SHISA9: variants seen among roughly 807,000 people sequenced by gnomAD.
SHISA9 encodes the protein protein shisa-9.
In SHISA9, 13 loss-of-function variants were observed where a neutral mutation model predicts 38.0. The ratio of observed to expected loss-of-function variants is 0.34; its 90% CI spans 0.22 to 0.54. SHISA9 has a LOEUF of 0.54. Among genes scored for constraint, SHISA9 ranks in the 20% least tolerant of loss-of-function variants. The probability of loss-of-function intolerance (pLI) is 0.91; values close to 1 mark genes in which losing one functional copy is unlikely to be tolerated. For synonymous variants in SHISA9, 275 were observed against 242.0 expected, an observed-to-expected ratio of 1.14 and a Z score of -1.27; for missense variants, 538 against 575.8, an observed-to-expected ratio of 0.93 and a Z score of 0.67.
chr16:12,939,617 T>G (rs1337498386), intron 2 of SHISA9, among the ~76,000 whole-genome samples: 1 of 152,212 alleles, frequency 6.6e-6, no homozygotes, highest in Non-Finnish European at 1.5e-5. Context: ...TCCAAGTGGC[T>G]ATGTTGGGAT....
intron 2 of SHISA9, among the ~76,000 whole-genome samples, chr16:12,954,002 C>G (rs1311334704): frequency 1.3e-5 from 2 of 152,040 alleles, no homozygotes; most frequent in African/African-American, 4.8e-5. Context: ...CTGCCTCAAC[C>G]TGTGGGGATT....
the SHISA9 span, among the ~76,000 whole-genome samples, chr16:13,333,632 C>T: frequency 6.6e-6 from 1 of 152,120 alleles, no homozygotes; most frequent in Non-Finnish European, 1.5e-5. Flanking sequence ...AGATAATGAT[C>T]CAGGTTTCAT....
At chr16:13,375,881 A>G in the SHISA9 span, among the ~76,000 whole-genome samples, 4 of 152,152 alleles carry the variant, frequency 2.6e-5, no homozygotes, top group Admixed American at 2.6e-4. Context: ...ACCTATCAAA[A>G]TCCTAGCTCC....
intron 4 of SHISA9, among the ~76,000 whole-genome samples, chr16:13,225,733 G>C (rs1382668535): frequency 4.6e-5 from 7 of 152,148 alleles, no homozygotes; most frequent in Non-Finnish European, 8.8e-5. Flanking sequence ...TTGGGAACTG[G>C]TTATTACCTT....
At chr16:13,422,645 G>C in the SHISA9 span, among the ~76,000 whole-genome samples, 1,074 of 152,326 alleles carry the variant, frequency 7.1e-3, 7 homozygotes, top group African/African-American at 0.022. Context: ...GCAGTGAGCT[G>C]AGATCACTCC....
At chr16:12,979,905 A>G (rs1293143961) in intron 2 of SHISA9, among the ~76,000 whole-genome samples, 1 of 151,962 alleles carries the variant, frequency 6.6e-6, no homozygotes. Context: ...GACTTCTTTT[A>G]GGTTGATATT....
At chr16:13,106,888 AAGAG>A (rs763403575) in intron 2 of SHISA9, among the ~76,000 whole-genome samples, 10 of 151,998 alleles carry the variant, frequency 6.6e-5, no homozygotes, top group African/African-American at 2.2e-4. Flanking sequence ...AGGACAAAGA[AAGAG>A]AGAGTTCTGA....
the SHISA9 span, among the ~76,000 whole-genome samples, chr16:13,500,749 T>A: frequency 6.6e-6 from 1 of 152,116 alleles, no homozygotes; most frequent in Non-Finnish European, 1.5e-5. Context: ...AGTTAGTTAT[T>A]CTTTGGCCAT....
intron 2 of SHISA9, among the ~76,000 whole-genome samples, chr16:13,167,515 A>C (rs1214371769): frequency 1.3e-5 from 2 of 152,178 alleles, no homozygotes; most frequent in Non-Finnish European, 2.9e-5. Context: ...CCCAAATCTC[A>C]TGTTCCATTA....
intron 2 of SHISA9, among the ~76,000 whole-genome samples, chr16:13,085,219 A>T (rs1567207075): frequency 6.6e-6 from 1 of 152,178 alleles, no homozygotes; most frequent in African/African-American, 2.4e-5. Flanking sequence ...CCTAGTTGAG[A>T]CTATTTCTCT....
chr16:13,377,405 C>T, the SHISA9 span, among the ~76,000 whole-genome samples: 1 of 152,140 alleles, frequency 6.6e-6, no homozygotes. Context: ...TTTCAAACAT[C>T]GTATTTGTTC....
the SHISA9 span, among the ~76,000 whole-genome samples, chr16:13,265,095 TC>T: frequency 7.4e-5 from 6 of 80,894 alleles, no homozygotes; most frequent in African/African-American, 3.0e-4. Flanking sequence ...TTTTCCCCTC[TC>T]CTCCCTTCCC....
At chr16:13,378,761 G>A in the SHISA9 span, among the ~76,000 whole-genome samples, 2 of 152,230 alleles carry the variant, frequency 1.3e-5, no homozygotes, top group East Asian at 1.9e-4. Flanking sequence ...CCCAATAACC[G>A]ATCAATATTG....
chr16:13,064,902 T>C (rs1239684898), intron 2 of SHISA9, among the ~76,000 whole-genome samples: 1 of 152,070 alleles, frequency 6.6e-6, no homozygotes, highest in Non-Finnish European at 1.5e-5. Context: ...GAGGGTGCTT[T>C]GGGGAGGGGC....
At chr16:13,148,401 C>A (rs2050466923) in intron 2 of SHISA9, among the ~76,000 whole-genome samples, 1 of 151,984 alleles carries the variant, frequency 6.6e-6, no homozygotes, top group Non-Finnish European at 1.5e-5. Flanking sequence ...CACACCCACA[C>A]AATCCATATT....
Position 13,239,939 on chromosome 16 carries a change from G to A in SHISA9, c.*4530G>A, listed in dbSNP as rs1431091160. 6.6e-6 allele frequency: 1 copy of A among 152,198 alleles called. No individual in the cohort carries two copies. Among genetic ancestry groups the A allele is most frequent in the Non-Finnish European group, 1.5e-5 (1 of 68,066 alleles). 9.4% of individuals were successfully genotyped at this position (152,198 alleles called of 1,614,324 possible). A position where few individuals can be genotyped will look rare whatever the true frequency, so the allele number is the denominator to read the frequency against. On this transcript the variant is annotated 3_prime_UTR_variant, in exon 5 of 5. Coordinates refer to ENST00000558583, the MANE Select transcript of SHISA9 (RefSeq NM_001145204.3). ...CTATGGAACTATCTGTGACTTCCATGTACCAAGACAAGGACGCTATAGCTA... is the reference window on the plus strand; with the variant it reads ...CTATGGAACTATCTGTGACTTCCATATACCAAGACAAGGACGCTATAGCTA...
intron 2 of SHISA9, among the ~76,000 whole-genome samples, chr16:13,143,435 GTTACAA>G (rs1466630969): frequency 3.9e-5 from 6 of 152,196 alleles, no homozygotes. Context: ...GAAGGAAGCA[GTTACAA>G]CAGAAGGTGA....
intron 2 of SHISA9, among the ~76,000 whole-genome samples, chr16:13,134,146 A>G (rs2050328015): frequency 6.6e-6 from 1 of 152,238 alleles, no homozygotes; most frequent in Non-Finnish European, 1.5e-5. Flanking sequence ...AGTGGGTAGT[A>G]GCACCAGACT....
chr16:13,007,771 C>G (rs1293302760), intron 2 of SHISA9, among the ~76,000 whole-genome samples: 1 of 152,204 alleles, frequency 6.6e-6, no homozygotes, highest in Non-Finnish European at 1.5e-5. Context: ...GCAGCTGTTT[C>G]TTATATTCTC....
Sources: allele counts gnomAD v4.1 joint callset (sites outside exome capture counted in the v4.1 genomes callset), GRCh38; gene constraint gnomAD v4.1.1; transcripts MANE v1.5; gene names NCBI Gene and HGNC (gene_info 2026-07-23, HGNC 2026-07-21).